The following PDE10A variants were observed in gnomAD, a reference collection of about 807,000 sequenced individuals.
PDE10A encodes cAMP and cAMP-inhibited cGMP 3',5'-cyclic phosphodiesterase 10A.
PDE10A carries 39 observed loss-of-function variants against 97.7 expected under a neutral mutation model. That is an observed-to-expected ratio of 0.40 (90% CI 0.31 to 0.52). The LOEUF (loss-of-function observed/expected upper bound fraction) is 0.52. PDE10A is among the 20% of genes least tolerant of loss of function. The probability of loss-of-function intolerance (pLI) is 0.56; values close to 1 mark genes in which losing one functional copy is unlikely to be tolerated. For missense variants in PDE10A, 731 were observed against 1,047.8 expected, an observed-to-expected ratio of 0.70 and a Z score of 4.17; for synonymous variants, 371 against 376.8, an observed-to-expected ratio of 0.98 and a Z score of 0.18.
At chr6:165,632,527 T>C (rs1421801065) in intron 1 of PDE10A, among the ~76,000 whole-genome samples, 5 of 152,172 alleles carry the variant, frequency 3.3e-5, no homozygotes, top group Non-Finnish European at 7.3e-5. Flanking sequence ...ATGAGATGCC[T>C]GAAAAAGCAG....
upstream of PDE10A, among the ~76,000 whole-genome samples, chr6:165,666,989 T>C (rs1486632257): frequency 1.3e-5 from 2 of 152,200 alleles, no homozygotes; most frequent in East Asian, 3.9e-4. Flanking sequence ...TTTCCATTAC[T>C]ATTGATGTTA....
intron 10 of PDE10A, 135 bp downstream of exon 10, chr6:165,428,523 G>A (rs1306793267): frequency 6.8e-6 from 4 of 591,068 alleles, no homozygotes; most frequent in Non-Finnish European, 1.2e-5. Flanking sequence ...AACAGATCAA[G>A]GTGAATTCCT....
At chr6:165,814,273 T>G (rs1048972821) in intron 1 of PDE10A, among the ~76,000 whole-genome samples, 2 of 152,132 alleles carry the variant, frequency 1.3e-5, no homozygotes, top group Non-Finnish European at 2.9e-5. Flanking sequence ...CTGTGCTCCT[T>G]CCTTAGCACC....
At chr6:165,631,677 T>A (rs1168295257) in intron 1 of PDE10A, among the ~76,000 whole-genome samples, 3 of 152,208 alleles carry the variant, frequency 2.0e-5, no homozygotes, top group Non-Finnish European at 4.4e-5. Flanking sequence ...AACATCATTA[T>A]ACGAATAAAT....
intron 1 of PDE10A, among the ~76,000 whole-genome samples, chr6:165,980,305 A>C (rs1784974571): frequency 6.6e-6 from 1 of 152,232 alleles, no homozygotes; most frequent in Admixed American, 6.5e-5. Context: ...AATAGTTATC[A>C]TTTCTTTGAC....
At chr6:165,782,884 T>G (rs1221538870) in intron 1 of PDE10A, among the ~76,000 whole-genome samples, 1 of 152,204 alleles carries the variant, frequency 6.6e-6, no homozygotes, top group Non-Finnish European at 1.5e-5. Context: ...CGTGTGTGAT[T>G]TTTTAAATGC....
At chr6:165,893,329 A>G (rs1026556380) in intron 1 of PDE10A, among the ~76,000 whole-genome samples, 3 of 152,166 alleles carry the variant, frequency 2.0e-5, no homozygotes, top group Admixed American at 1.3e-4. Context: ...TGGCTTTCCT[A>G]GAAAAGTTGC....
At chr6:165,386,903 C>T (rs184260970) in intron 17 of PDE10A, among the ~76,000 whole-genome samples, 1 of 150,900 alleles carries the variant, frequency 6.6e-6, no homozygotes, top group Non-Finnish European at 1.5e-5. Flanking sequence ...GTAGTTCCAG[C>T]TACTTGGGAG....
At chr6:165,442,689 G>A (rs922655645) in intron 5 of PDE10A, among the ~76,000 whole-genome samples, 1 of 152,096 alleles carries the variant, frequency 6.6e-6, no homozygotes, top group Non-Finnish European at 1.5e-5. Flanking sequence ...ATGAGATTTT[G>A]GTGGGGCAAC....
At chr6:165,437,336 T>A (rs1399421789) in intron 5 of PDE10A, among the ~76,000 whole-genome samples, 2 of 152,202 alleles carry the variant, frequency 1.3e-5, no homozygotes, top group African/African-American at 4.8e-5. Context: ...GACTATCTTA[T>A]ACATTCCTAC....
intron 1 of PDE10A, among the ~76,000 whole-genome samples, chr6:165,654,921 C>G (rs1260211363): frequency 1.3e-5 from 2 of 152,206 alleles, no homozygotes; most frequent in African/African-American, 4.8e-5. Context: ...CTCCAGGGTG[C>G]TCCATGGCTC....
intron 1 of PDE10A, among the ~76,000 whole-genome samples, chr6:165,712,861 C>T (rs1034554664): frequency 2.0e-5 from 3 of 152,032 alleles, no homozygotes; most frequent in African/African-American, 2.4e-5. Context: ...AGGATGGTCT[C>T]GATCTCCTGA....
chr6:165,610,771 C>T (rs896794417), intron 1 of PDE10A, among the ~76,000 whole-genome samples: 1 of 152,110 alleles, frequency 6.6e-6, no homozygotes, highest in African/African-American at 2.4e-5. Flanking sequence ...TGTATAAGTT[C>T]CACCTTTATG....
chr6:165,665,716 T>C (rs1335532518), upstream of PDE10A, among the ~76,000 whole-genome samples: 1 of 151,588 alleles, frequency 6.6e-6, no homozygotes, highest in Non-Finnish European at 1.5e-5. Flanking sequence ...ACTAAAAGAA[T>C]ATTAAGAGGG....
intron 7 of PDE10A, 34 bp downstream of exon 7, chr6:165,432,940 A>G (rs767285583): frequency 1.3e-6 from 2 of 1,581,396 alleles, no homozygotes; most frequent in South Asian, 1.1e-5. Context: ...AGGTACAACT[A>G]AAAATTCTAA....
At chr6:165,439,591 G>T (rs1480930358) in intron 5 of PDE10A, among the ~76,000 whole-genome samples, 1 of 152,174 alleles carries the variant, frequency 6.6e-6, no homozygotes, top group African/African-American at 2.4e-5. Flanking sequence ...CCTATCAGAG[G>T]CCAGGAAGTC....
chr6:165,516,532 A>G (rs1430696506), intron 2 of PDE10A, among the ~76,000 whole-genome samples: 1 of 152,166 alleles, frequency 6.6e-6, no homozygotes, highest in Non-Finnish European at 1.5e-5. Context: ...TGATAGCGGT[A>G]TTTGCCTAAC....
chr6:165,370,027 G>A (rs1202317592), intron 18 of PDE10A, among the ~76,000 whole-genome samples: 2 of 152,050 alleles, frequency 1.3e-5, no homozygotes, highest in African/African-American at 2.4e-5. Flanking sequence ...ACAAGCAAAT[G>A]CTGAGAGATT....
At chr6:165,369,144 A>G (rs1280550838) in intron 18 of PDE10A, among the ~76,000 whole-genome samples, 1 of 152,072 alleles carries the variant, frequency 6.6e-6, no homozygotes, top group South Asian at 2.1e-4. Context: ...CAGAGCAGAA[A>G]AACTGGAAAC....
Sources: allele counts gnomAD v4.1 joint callset (sites outside exome capture counted in the v4.1 genomes callset), GRCh38; gene constraint gnomAD v4.1.1; transcripts MANE v1.5; gene names NCBI Gene and HGNC (gene_info 2026-07-23, HGNC 2026-07-21).